Variants in ZNF454 observed in about 807,000 individuals in gnomAD.
ZNF454 encodes the protein zinc finger protein 454.
ZNF454 carries 30 observed loss-of-function variants against 48.2 expected under a neutral mutation model. The ratio of observed to expected loss-of-function variants is 0.62; its 90% CI spans 0.47 to 0.84. The LOEUF is 0.84. ZNF454 is among the 40% of genes least tolerant of loss of function. The pLI is 0.00. For synonymous variants in ZNF454, 204 were observed against 211.4 expected (o/e 0.97, Z 0.30); for missense variants, 510 against 623.1 (o/e 0.82, Z 1.93).
chr5:178,973,368 GAA>G, the ZNF454 span, among the ~76,000 whole-genome samples: 1 of 152,262 alleles, frequency 6.6e-6, no homozygotes, highest in Middle Eastern at 3.4e-3. Flanking sequence ...TTAAAAAATG[GAA>G]AAGTTTCCAA....
chr5:178,985,411 A>G, the ZNF454 span: 2 of 366,412 alleles, frequency 5.5e-6, no homozygotes, highest in East Asian at 7.9e-5. Flanking sequence ...CCTTAAAAAA[A>G]AAAAAAAACT....
the ZNF454 span, among the ~76,000 whole-genome samples, chr5:178,984,471 C>T: frequency 2.6e-5 from 4 of 152,168 alleles, no homozygotes; most frequent in East Asian, 5.8e-4. Context: ...TGGCAAAACA[C>T]CTAGGCCAGT....
At chr5:178,983,092 T>C in the ZNF454 span, 4 of 1,613,818 alleles carry the variant, frequency 2.5e-6, no homozygotes, top group African/African-American at 4.0e-5. Flanking sequence ...AGGCAGCCGA[T>C]GAGAGACAGA....
At chr5:178,968,944 A>G (rs1337281032), downstream of ZNF454, 2 of 448,796 alleles carry the variant, frequency 4.5e-6, no homozygotes, top group Non-Finnish European at 9.0e-6. Context: ...CTGAGAAGAC[A>G]GTGCACTCTC....
downstream of ZNF454, among the ~76,000 whole-genome samples, chr5:178,970,985 A>G (rs1760226112): frequency 6.6e-6 from 1 of 152,242 alleles, no homozygotes; most frequent in South Asian, 2.1e-4. Context: ...GCTGTTTCCC[A>G]TCACCGGGGC....
At chr5:178,960,155 T>A (rs1214541186) in intron 4 of ZNF454, among the ~76,000 whole-genome samples, 2 of 151,552 alleles carry the variant, frequency 1.3e-5, no homozygotes, top group Non-Finnish European at 2.9e-5. Context: ...TTCACCATAT[T>A]GCCCAGTCAG....
the ZNF454 span, among the ~76,000 whole-genome samples, chr5:178,982,205 C>T: frequency 6.6e-6 from 1 of 152,186 alleles, no homozygotes; most frequent in East Asian, 1.9e-4. Flanking sequence ...AAATGGATGA[C>T]AGGTGCATAA....
intron 2 of ZNF454, among the ~76,000 whole-genome samples, chr5:178,945,453 TG>T (rs200720606): frequency 8.7e-4 from 120 of 138,672 alleles, no homozygotes; most frequent in African/African-American, 1.7e-3. Flanking sequence ...TATGTGAATG[TG>T]GGGGGGGTGT....
the ZNF454 span, chr5:178,977,287 C>A: frequency 3.0e-6 from 1 of 332,030 alleles, no homozygotes; most frequent in Non-Finnish European, 6.4e-6. Flanking sequence ...GAAAGTAGAG[C>A]CCTCGGGAAT....
At chr5:178,964,280 C>T (rs979802228) in intron 4 of ZNF454, among the ~76,000 whole-genome samples, 1 of 151,718 alleles carries the variant, frequency 6.6e-6, no homozygotes, top group African/African-American at 2.4e-5. Context: ...ACCACCACGC[C>T]CGGCTAATTT....
chr5:178,985,520 G>A, the ZNF454 span: 402 of 337,260 alleles, frequency 1.2e-3, no homozygotes, highest in East Asian at 4.6e-3. Flanking sequence ...TGGCTAACAC[G>A]GTGAAGCCCT....
chr5:178,946,921 C>T lies in ZNF454; in HGVS notation c.185C>T (p.Thr62Met), dbSNP rs1021248473. 1.9e-5 allele frequency: 31 copies of T among 1,614,022 alleles called. No homozygotes were observed. Among genetic ancestry groups the T allele is most frequent in the East Asian group, 4.5e-5 (2 of 44,866 alleles). The change falls in exon 4 of 5, where the codon ACG becomes ATG. Residue 62 changes from threonine to methionine, a missense_variant. By Grantham distance (81) the Thr-to-Met change is moderately conservative. Transcript: ENST00000519564. This position sits in a 1 kb window ranked among gnomAD's most constrained non-coding sequence, Gnocchi z 4.5. Reference protein sequence around the residue: ...SLGLLGPKPDTFSQLEKREVW... With the variant: ...SLGLLGPKPDMFSQLEKREVW... The stretch of plus-strand genomic sequence containing the variant: ...GGACTCTTAGGACCCAAACCAGATA[C>T]GTTTTCCCAGCTAGAAAAAAGGGAA...
At chr5:178,977,290 T>A in the ZNF454 span, 1 of 343,926 alleles carries the variant, frequency 2.9e-6, no homozygotes, top group South Asian at 2.2e-5. Flanking sequence ...AGTAGAGCCC[T>A]CGGGAATGGG....
the ZNF454 span, chr5:178,985,505 C>A: frequency 1.2e-5 from 4 of 338,886 alleles, no homozygotes; most frequent in Admixed American, 8.1e-5. Flanking sequence ...AGATCGAGAC[C>A]ATCCTGGCTA....
chr5:178,961,192 G>C (rs1031333936), intron 4 of ZNF454, among the ~76,000 whole-genome samples: 1 of 151,564 alleles, frequency 6.6e-6, no homozygotes, highest in Non-Finnish European at 1.5e-5. Context: ...GCCTCCCAAA[G>C]TGCTAGGATT....
intron 4 of ZNF454, among the ~76,000 whole-genome samples, chr5:178,948,995 T>TA (rs1212103239): frequency 6.6e-6 from 1 of 151,124 alleles, no homozygotes; most frequent in Non-Finnish European, 1.5e-5. Flanking sequence ...CTCAGGCTCC[T>TA]AAATAGCTGA....
intron 4 of ZNF454, 139 bp downstream of exon 4, chr5:178,947,125 C>A: frequency 1.4e-6 from 1 of 697,344 alleles, no homozygotes; most frequent in Non-Finnish European, 2.5e-6. Context: ...CACCTGAATA[C>A]CTTGTTGCTA....
chr5:178,949,850 C>T (rs560608354), intron 4 of ZNF454, among the ~76,000 whole-genome samples: 14 of 151,912 alleles, frequency 9.2e-5, no homozygotes, highest in Admixed American at 3.3e-4. Flanking sequence ...CTCTTGACCT[C>T]GTGATCCGCC....
chr5:178,968,935 T>C (rs1760202745), downstream of ZNF454: 2 of 453,342 alleles, frequency 4.4e-6, no homozygotes, highest in Non-Finnish European at 4.4e-6. Flanking sequence ...GGCCCCCATC[T>C]GAGAAGACAG....
Sources: gnomAD v4.1 joint callset for allele counts (sites outside exome capture counted in the v4.1 genomes callset) on GRCh38, gnomAD v4.1.1 for gene constraint, Gnocchi (gnomAD v3.1) non-coding constraint, MANE v1.5 for transcripts, NCBI Gene and HGNC (gene_info 2026-07-23, HGNC 2026-07-21) for gene names.